The following TMTC3 variants were observed in gnomAD, a reference collection of about 807,000 sequenced individuals.
TMTC3 encodes protein O-mannosyl-transferase TMTC3.
In TMTC3, 52 loss-of-function variants were observed where a neutral mutation model predicts 92.2. That is an observed-to-expected ratio of 0.56 (90% CI 0.45 to 0.71). The LOEUF (loss-of-function observed/expected upper bound fraction) is 0.71, where lower values mean the gene tolerates loss of function less well. Among genes scored for constraint, TMTC3 ranks in the 30% least tolerant of loss-of-function variants. TMTC3 has a pLI of 0.00. For synonymous variants in TMTC3, 339 were observed against 363.3 expected, an observed-to-expected ratio of 0.93 and a Z score of 0.76; for missense variants, 896 against 1,057.1, an observed-to-expected ratio of 0.85 and a Z score of 2.11.
At chr12:88,148,061 C>T (rs1010153099) in intron 1 of TMTC3, among the ~76,000 whole-genome samples, 4 of 152,058 alleles carry the variant, frequency 2.6e-5, no homozygotes, top group Admixed American at 6.6e-5. Context: ...GGCTTTATCC[C>T]GTAAGAGAGG....
chr12:88,190,209 G>T (rs1170557043), intron 11 of TMTC3, among the ~76,000 whole-genome samples: 2 of 152,036 alleles, frequency 1.3e-5, no homozygotes, highest in Non-Finnish European at 2.9e-5. Context: ...TTTCATTCAT[G>T]CCACCTCAGT....
Position 88,154,325 on chromosome 12 carries a change from C to T in TMTC3, c.446C>T (p.Ser149Phe). The part of the protein sequence containing the change: ...GVVGRAELLS[S>F]IFFLAAFLSY... ...GTTGGAAGAGCAGAACTTTTGTCATCTATCTTTTTTCTAGCAGCTTTTTTG... is the reference window on the plus strand; with the variant it reads ...GTTGGAAGAGCAGAACTTTTGTCATTTATCTTTTTTCTAGCAGCTTTTTTG... The change falls in exon 4 of 14, where the codon TCT becomes TTT. Residue 149 changes from serine to phenylalanine, a missense_variant. By Grantham distance (155) the Ser-to-Phe change is radical. Coordinates refer to ENST00000266712, the MANE Select transcript of TMTC3 (RefSeq NM_181783.4). 1 of 1,608,534 alleles carries T rather than the reference C, an allele frequency of 6.2e-7. No individual in the cohort carries two copies. Among genetic ancestry groups the T allele is most frequent in the Non-Finnish European group, 8.5e-7 (1 of 1,178,362 alleles).
chr12:88,172,918 C>T, intron 8 of TMTC3, 173 bp downstream of exon 8: 4 of 1,499,254 alleles, frequency 2.7e-6, no homozygotes, highest in Non-Finnish European at 3.6e-6. Flanking sequence ...TCCATGGCAC[C>T]TACTTATTCT....
intron 12 of TMTC3, 86 bp downstream of exon 12, chr12:88,190,708 A>G (rs2041433198): frequency 1.4e-6 from 2 of 1,418,458 alleles, no homozygotes; most frequent in African/African-American, 2.9e-5. Context: ...TTTTTTTTGA[A>G]AAAAAATTAT....
At chr12:88,148,182 C>T (rs1392577378) in intron 1 of TMTC3, 106 bp from the exon 2 acceptor site, 13 of 673,084 alleles carry the variant, frequency 1.9e-5, no homozygotes, top group South Asian at 1.5e-4. Context: ...ATTTTAGCTG[C>T]GCTTTTCTCT....
At chr12:88,188,801 C>A in intron 10 of TMTC3, 42 bp from the exon 11 acceptor site, 1 of 953,260 alleles carries the variant, frequency 1.0e-6, no homozygotes, top group South Asian at 1.5e-5. Flanking sequence ...TTGAATATAT[C>A]AGTTGTATAC....
In TMTC3 at chr12:88,197,784, T is replaced by A. The variant is rs894602828; in HGVS notation, c.*2135T>A. The A allele has an allele frequency of 6.6e-6, 1 of 152,040 alleles. No homozygotes were observed. The highest frequency in any genetic ancestry group is 2.4e-5 in the African/African-American group (1 of 41,418). The allele number at this position is 152,040 out of a possible 1,614,324, so 9.4% of individuals were successfully genotyped here. ...GTCATTAATAATTTAATAATTGTTT[T>A]AAATCAGTGGTTTTCAACCCTCACT... On this transcript the variant is annotated 3_prime_UTR_variant, in exon 14 of 14. Transcript: ENST00000266712.
rs2041224385 is a variant in TMTC3, at chr12:88,173,202, C to T, written c.1199+457C>T. Reference sequence around the variant, plus strand: ...TTGTATCCTAGTTGCCTCAAACTAACAGTTAAGGAACAGCATAGTCACACT... The same window carrying T: ...TTGTATCCTAGTTGCCTCAAACTAATAGTTAAGGAACAGCATAGTCACACT... On this transcript the variant is annotated intron_variant, in intron 8 of 13. Coordinates refer to ENST00000266712, the MANE Select transcript of TMTC3 (RefSeq NM_181783.4). The T allele has an allele frequency of 4.1e-6, 3 of 740,348 alleles. No individual in the cohort carries two copies. The South Asian group carries it at 5.9e-5, about 15-fold the overall frequency. The allele number at this position is 740,348 out of a possible 1,614,324, so 45.9% of individuals were successfully genotyped here.
intron 6 of TMTC3, among the ~76,000 whole-genome samples, chr12:88,162,786 C>T (rs993865115): frequency 2.0e-5 from 3 of 151,980 alleles, no homozygotes; most frequent in Non-Finnish European, 4.4e-5. Flanking sequence ...CTTTGCATGT[C>T]GGGAAATTGT....
At chr12:88,143,058 A>G (rs2040782301) in intron 1 of TMTC3, among the ~76,000 whole-genome samples, 1 of 152,082 alleles carries the variant, frequency 6.6e-6, no homozygotes, top group Non-Finnish European at 1.5e-5. Context: ...TCGTCTGCTC[A>G]CAATCATGCT....
intron 8 of TMTC3, 41 bp downstream of exon 8, chr12:88,172,786 T>G (rs2041219808): frequency 1.9e-6 from 3 of 1,568,498 alleles, no homozygotes. Flanking sequence ...TACTATGGAA[T>G]TAAGTGTGAC....
At chr12:88,142,783 C>A (rs1207362310) in intron 1 of TMTC3, among the ~76,000 whole-genome samples, 1 of 152,234 alleles carries the variant, frequency 6.6e-6, no homozygotes, top group Admixed American at 6.5e-5. Context: ...GAGGTCTCGG[C>A]ATCCCGACCC....
chr12:88,162,322 GCTT>G (rs1169487525), intron 6 of TMTC3, among the ~76,000 whole-genome samples: 12 of 152,210 alleles, frequency 7.9e-5, no homozygotes, highest in Non-Finnish European at 1.2e-4. Flanking sequence ...GGTAAACTGA[GCTT>G]CTTGAAATCT....
chr12:88,161,883 C>T (rs2041083936), intron 6 of TMTC3, among the ~76,000 whole-genome samples: 1 of 151,342 alleles, frequency 6.6e-6, no homozygotes, highest in South Asian at 2.1e-4. Flanking sequence ...AACTTTTGTG[C>T]AGTTTGCATA....
chr12:88,166,307 C>CT (rs746712283), intron 6 of TMTC3, 23 bp from the exon 7 acceptor site: 6 of 1,581,848 alleles, frequency 3.8e-6, no homozygotes, highest in African/African-American at 1.4e-5. Context: ...TATTTGTAAT[C>CT]TTTTTTTTAA....
chr12:88,192,500 GA>G (rs11440552), intron 12 of TMTC3, 103 bp from the exon 13 acceptor site: 20 of 733,224 alleles, frequency 2.7e-5, no homozygotes, highest in Admixed American at 1.1e-4. Context: ...TGAGTTAAGA[GA>G]AAAAAAAGCT....
rs778184796 is a variant in TMTC3 at position 88,166,448 on chromosome 12, A to G, written c.916A>G (p.Met306Val). ...NPSELCCDWTMGTIPLIESLL... is the reference protein window; with the variant it reads ...NPSELCCDWTVGTIPLIESLL... ...TTCAGAGCTCTGCTGTGATTGGACC[A>G]TGGGAACAATACCACTTATAGAGTC... The change falls in exon 7 of 14, where the codon ATG becomes GTG. Residue 306 changes from methionine (M) to valine (V), a missense_variant. By Grantham distance (21) the Met-to-Val change is conservative. Transcript: ENST00000266712. The G allele has an allele frequency of 1.9e-6, 3 of 1,614,008 alleles. No homozygotes were observed. The highest frequency in any genetic ancestry group is 2.2e-5 in the South Asian group (2 of 91,084).
At chr12:88,170,041 C>T (rs1024844634) in intron 7 of TMTC3, among the ~76,000 whole-genome samples, 1 of 152,144 alleles carries the variant, frequency 6.6e-6, no homozygotes, top group South Asian at 2.1e-4. Flanking sequence ...TTGTCTCGAA[C>T]TCTTTGCTCT....
chr12:88,165,133 G>A (rs191786116), intron 6 of TMTC3, among the ~76,000 whole-genome samples: 17 of 152,076 alleles, frequency 1.1e-4, no homozygotes, highest in African/African-American at 3.9e-4. Flanking sequence ...TATGAATATG[G>A]TGCTTATAGC....
Sources: gnomAD v4.1 joint callset for allele counts (sites outside exome capture counted in the v4.1 genomes callset) on GRCh38, gnomAD v4.1.1 for gene constraint, MANE v1.5 for transcripts, NCBI Gene and HGNC (gene_info 2026-07-23, HGNC 2026-07-21) for gene names.